ATP2C2: variants seen among roughly 807,000 people sequenced by gnomAD.
ATP2C2 encodes ATPase secretory pathway Ca2+ transporting 2.
Under a neutral mutation model 110.8 loss-of-function variants are expected in ATP2C2, and 171 were observed. The observed-to-expected ratio is 1.54, with a 90% confidence interval of 1.36 to 1.75. ATP2C2 has a LOEUF of 1.75. ATP2C2 is among the 40% of genes most tolerant of loss of function. ATP2C2 has a pLI of 0.00. For synonymous variants in ATP2C2, 804 were observed against 508.4 expected (o/e 1.58, Z -7.82); for missense variants, 1,963 against 1,235.0 (o/e 1.59, Z -8.84).
intron 1 of ATP2C2, among the ~76,000 whole-genome samples, chr16:84,394,713 T>C (rs578071147): frequency 6.6e-6 from 1 of 152,226 alleles, no homozygotes; most frequent in South Asian, 2.1e-4. Flanking sequence ...CCAGCATTCA[T>C]TGACCGATGG....
chr16:84,382,885 G>A (rs989279304), intron 1 of ATP2C2, among the ~76,000 whole-genome samples: 2 of 121,922 alleles, frequency 1.6e-5, no homozygotes, highest in Non-Finnish European at 3.2e-5. Flanking sequence ...GACAGAGCAA[G>A]ACTCCATCTA....
At position 84,463,820 on chromosome 16, in the gene ATP2C2, T is replaced by C. The variant is rs1239269064; in HGVS notation, c.*88T>C. 8 of 1,187,596 alleles carry C rather than the reference T, an allele frequency of 6.7e-6. No individual in the cohort carries two copies. The highest frequency in any genetic ancestry group is 5.1e-5 in the South Asian group (4 of 78,650). 73.6% of individuals were successfully genotyped at this position (1,187,596 alleles called of 1,614,324 possible). ...CGTGTCTCCTCGTCAGGGGAGACTTTTAGGAGGCCGCAGCCTTCCATCACC... is the reference window on the plus strand; with the variant it reads ...CGTGTCTCCTCGTCAGGGGAGACTTCTAGGAGGCCGCAGCCTTCCATCACC... On this transcript the variant is annotated 3_prime_UTR_variant, in exon 27 of 27. Coordinates refer to ENST00000262429, the MANE Select transcript of ATP2C2 (RefSeq NM_014861.4).
rs189007525 is a variant in ATP2C2 at position 84,460,716 on chromosome 16, C to T, written c.2396C>T (p.Thr799Ile). ...CAGCCACCACGGAGTGTGCGGGACA[C>T]CATCCTCAGCAGAGCCCTCATCCTG... ...FRQPPRSVRD[T>I]ILSRALILKI... The change falls in exon 24 of 27, where the codon ACC (threonine) becomes ATC (isoleucine). Residue 799 changes from threonine to isoleucine, a missense_variant. Physicochemically the swap from Thr to Ile is moderately conservative, Grantham distance 89 (BLOSUM62 -1). Transcript: ENST00000262429. 2.5e-6 allele frequency: 4 copies of T among 1,614,194 alleles called. No homozygotes were observed. The highest frequency in any genetic ancestry group is 3.4e-6 in the Non-Finnish European group (4 of 1,180,034).
At chr16:84,448,849 G>A (rs1216539958) in intron 17 of ATP2C2, among the ~76,000 whole-genome samples, 160 bp downstream of exon 17, 1 of 152,158 alleles carries the variant, frequency 6.6e-6, no homozygotes, top group Non-Finnish European at 1.5e-5. Flanking sequence ...ATGGTCACAT[G>A]AAAGGCACAG....
intron 1 of ATP2C2, among the ~76,000 whole-genome samples, chr16:84,378,008 G>T (rs541512154): frequency 1.3e-5 from 2 of 152,276 alleles, no homozygotes; most frequent in South Asian, 4.2e-4. Flanking sequence ...CAGAGGATGT[G>T]TTGTTTGGCC....
At chr16:84,450,924 C>T (rs544839056) in intron 17 of ATP2C2, among the ~76,000 whole-genome samples, 5 of 152,264 alleles carry the variant, frequency 3.3e-5, no homozygotes, top group East Asian at 1.9e-4. Flanking sequence ...CATCCTGCTC[C>T]ACCTCACATG....
At chr16:84,397,139 C>T (rs1258682621) in intron 1 of ATP2C2, among the ~76,000 whole-genome samples, 1 of 151,788 alleles carries the variant, frequency 6.6e-6, no homozygotes. Context: ...TGCAAAAATA[C>T]CTCACACTTT....
At chr16:84,441,443 C>T (rs989854349) in intron 14 of ATP2C2, among the ~76,000 whole-genome samples, 3 of 152,026 alleles carry the variant, frequency 2.0e-5, no homozygotes, top group Non-Finnish European at 4.4e-5. Flanking sequence ...GATGATGTTC[C>T]CCTGTTGCTG....
chr16:84,456,361 G>C (rs1470957614), intron 21 of ATP2C2, among the ~76,000 whole-genome samples: 1 of 152,002 alleles, frequency 6.6e-6, no homozygotes, highest in Non-Finnish European at 1.5e-5. Context: ...TCTTGGGAGA[G>C]TGTATGTGTC....
At chr16:84,435,723 A>T (rs1160354506) in intron 11 of ATP2C2, among the ~76,000 whole-genome samples, 1 of 145,740 alleles carries the variant, frequency 6.9e-6, no homozygotes, top group Non-Finnish European at 1.5e-5. Flanking sequence ...GCTACCAGGG[A>T]GGCAGAGGCT....
chr16:84,427,796 G>T (rs1037072010), intron 11 of ATP2C2, among the ~76,000 whole-genome samples: 2 of 152,132 alleles, frequency 1.3e-5, no homozygotes, highest in Non-Finnish European at 2.9e-5. Context: ...TGGGGTTGGG[G>T]AGTGTGTAGT....
chr16:84,393,522 G>C (rs1904785777), intron 1 of ATP2C2, among the ~76,000 whole-genome samples: 1 of 152,182 alleles, frequency 6.6e-6, no homozygotes, highest in South Asian at 2.1e-4. Context: ...AGTCGGTTGA[G>C]AAGTGGATAG....
intron 7 of ATP2C2, among the ~76,000 whole-genome samples, chr16:84,416,836 G>A (rs551628043): frequency 1.3e-5 from 2 of 152,192 alleles, no homozygotes; most frequent in South Asian, 2.1e-4. Flanking sequence ...TCAGAGGAAC[G>A]GCTGTCTGTG....
At chr16:84,439,662 ATGAC>A in intron 13 of ATP2C2, 138 bp downstream of exon 13, 1 of 811,326 alleles carries the variant, frequency 1.2e-6, no homozygotes, top group Non-Finnish European at 2.0e-6. Context: ...CCTTGCTAAC[ATGAC>A]TGATTTTGTT....
intron 17 of ATP2C2, 133 bp downstream of exon 17, chr16:84,448,822 T>G: frequency 8.0e-7 from 1 of 1,247,042 alleles, no homozygotes; most frequent in Non-Finnish European, 1.1e-6. Context: ...ACGGCAATAA[T>G]GTGTGCTTGG....
intron 6 of ATP2C2, among the ~76,000 whole-genome samples, chr16:84,411,782 TTTAAATATGCACA>T (rs1906317938): frequency 6.6e-6 from 1 of 152,172 alleles, no homozygotes; most frequent in Non-Finnish European, 1.5e-5. Context: ...TTAATTTTTA[TTTAAATATGCACA>T]TGGACCTAGT....
At chr16:84,387,737 T>C (rs1395196033) in intron 1 of ATP2C2, among the ~76,000 whole-genome samples, 2 of 152,114 alleles carry the variant, frequency 1.3e-5, no homozygotes, top group African/African-American at 4.8e-5. Context: ...GGCCCTTGAG[T>C]GCGTCTCCCA....
chr16:84,447,252 G>C (rs976873018), intron 16 of ATP2C2, among the ~76,000 whole-genome samples: 1 of 152,138 alleles, frequency 6.6e-6, no homozygotes, highest in African/African-American at 2.4e-5. Flanking sequence ...GGCCCTTCCT[G>C]TGCATGGATG....
At chr16:84,448,493 T>C in intron 16 of ATP2C2, 40 bp from the exon 17 acceptor site, 1 of 1,582,886 alleles carries the variant, frequency 6.3e-7, no homozygotes, top group Non-Finnish European at 8.6e-7. Context: ...GAACCAAGGC[T>C]TCCAGTGATA....
Sources: gnomAD v4.1 joint callset for allele counts (sites outside exome capture counted in the v4.1 genomes callset) on GRCh38, gnomAD v4.1.1 for gene constraint, MANE v1.5 for transcripts, NCBI Gene and HGNC (gene_info 2026-07-23, HGNC 2026-07-21) for gene names.